Variants in CDKN2B-AS1 observed in about 807,000 individuals in gnomAD.
CDKN2B-AS1 encodes the protein CDKN2B antisense RNA 1 (non-protein coding).
chr9:22,054,124 A>C (rs937291910), intron 3 of CDKN2B-AS1, among the ~76,000 whole-genome samples: 2 of 152,188 alleles, frequency 1.3e-5, no homozygotes, highest in Admixed American at 1.3e-4. Flanking sequence ...TATACACACT[A>C]TCTCATTTAA....
intron 1 of CDKN2B-AS1, chr9:22,004,651 C>T (rs1309751516): frequency 8.6e-6 from 2 of 232,410 alleles, no homozygotes; most frequent in East Asian, 6.1e-5. Context: ...AAATTAAATC[C>T]CAAAGCAGTG....
intron 4 of CDKN2B-AS1, among the ~76,000 whole-genome samples, chr9:22,070,940 G>A (rs929768217): frequency 1.3e-5 from 2 of 152,114 alleles, no homozygotes; most frequent in Non-Finnish European, 2.9e-5. Flanking sequence ...GTAGCTGTCA[G>A]TTATCTTGTG....
At chr9:22,017,175 C>T (rs1472868219) in intron 1 of CDKN2B-AS1, among the ~76,000 whole-genome samples, 1 of 152,072 alleles carries the variant, frequency 6.6e-6, no homozygotes, top group Admixed American at 6.6e-5. Context: ...GCCTGTAATC[C>T]CAGCACTTTG....
intron 1 of CDKN2B-AS1, among the ~76,000 whole-genome samples, chr9:22,027,915 G>A (rs1432334451): frequency 6.6e-6 from 1 of 152,130 alleles, no homozygotes. Context: ...AAAAATAAAA[G>A]AGGCTATGTT....
At chr9:22,097,407 CT>C (rs1825321198) in intron 4 of CDKN2B-AS1, 1 of 152,138 alleles carries the variant, frequency 6.6e-6, no homozygotes, top group African/African-American at 2.4e-5. Context: ...ATAAGAGCAA[CT>C]TGGGCCATAA....
At chr9:22,126,608 C>T (rs745352792) in intron 4 of CDKN2B-AS1, among the ~76,000 whole-genome samples, 111 of 120,154 alleles carry the variant, frequency 9.2e-4, no homozygotes, top group African/African-American at 3.7e-3. Context: ...GACGGAGTCT[C>T]GCTCGCCCAG....
rs1217224628 is a variant in CDKN2B-AS1, at chr9:22,056,230, A to T, written n.303-22A>T. On this transcript the variant is annotated intron_variant and non_coding_transcript_variant, in intron 3 of 4. Coordinates refer to ENST00000650946, the Ensembl canonical transcript of CDKN2B-AS1. ...TGTGTGTGTATATATATATATATATATATATTTTTTTTTTTTTCCAGTAGA... is the reference window on the plus strand; with the variant it reads ...TGTGTGTGTATATATATATATATATTTATATTTTTTTTTTTTTCCAGTAGA... 485 of 90,494 alleles carry T rather than the reference A, an allele frequency of 5.4e-3. 5 individuals carry two copies. The highest frequency in any genetic ancestry group is 0.016 in the African/African-American group (434 of 27,056). 5.6% of individuals were successfully genotyped at this position (90,494 alleles called of 1,614,324 possible). A position where few individuals can be genotyped will look rare whatever the true frequency, so the allele number is the denominator to read the frequency against.
At chr9:22,024,676 C>T (rs1822158089) in intron 1 of CDKN2B-AS1, among the ~76,000 whole-genome samples, 1 of 152,198 alleles carries the variant, frequency 6.6e-6, no homozygotes. Flanking sequence ...GGTCAAGGGG[C>T]ATACTTCCCT....
intron 3 of CDKN2B-AS1, among the ~76,000 whole-genome samples, chr9:22,054,526 T>C (rs1269122017): frequency 6.6e-6 from 1 of 152,032 alleles, no homozygotes; most frequent in Non-Finnish European, 1.5e-5. Flanking sequence ...ATTTAAGAGA[T>C]TTATTCTTAT....
Position 22,005,928 on chromosome 9 carries a change from TG to T in CDKN2B-AS1, n.29+10772del. ...GGCAGCCTTCATCGAATTAGGTGGG[TG>T]GGGGTGGGAAATTGGGTAAGAAAAT... On this transcript the variant is annotated intron_variant and non_coding_transcript_variant, in intron 1 of 4. Coordinates refer to ENST00000650946, the Ensembl canonical transcript of CDKN2B-AS1. This position sits in a 1 kb window ranked among gnomAD's most constrained non-coding sequence, Gnocchi z 4.9. 1 of 1,567,290 alleles carries T rather than the reference TG, an allele frequency of 6.4e-7. No homozygotes were observed. The highest frequency in any genetic ancestry group is 1.7e-5 in the Admixed American group (1 of 57,312).
chr9:22,025,260 G>A (rs1822183821), intron 1 of CDKN2B-AS1, among the ~76,000 whole-genome samples: 1 of 152,198 alleles, frequency 6.6e-6, no homozygotes, highest in Admixed American at 6.5e-5. Flanking sequence ...GTGACGAGCA[G>A]CTGGGGGGTG....
At chr9:22,098,492 T>C (rs937733150) in intron 4 of CDKN2B-AS1, among the ~76,000 whole-genome samples, 1 of 151,104 alleles carries the variant, frequency 6.6e-6, no homozygotes, top group African/African-American at 2.4e-5. Context: ...TAAAATAAAA[T>C]AAAAAATGAA....
intron 4 of CDKN2B-AS1, among the ~76,000 whole-genome samples, chr9:22,099,858 G>A (rs897396881): frequency 1.3e-5 from 2 of 152,150 alleles, no homozygotes; most frequent in African/African-American, 4.8e-5. Flanking sequence ...GATGCATAAA[G>A]CGTCTCTAGA....
chr9:22,065,918 C>G (rs966077528), intron 4 of CDKN2B-AS1, among the ~76,000 whole-genome samples: 1 of 152,162 alleles, frequency 6.6e-6, no homozygotes, highest in African/African-American at 2.4e-5. Flanking sequence ...GCTCTTTGTT[C>G]TGAGCATAAA....
At chr9:22,080,541 C>T (rs1824658007) in intron 4 of CDKN2B-AS1, among the ~76,000 whole-genome samples, 1 of 152,162 alleles carries the variant, frequency 6.6e-6, no homozygotes, top group Non-Finnish European at 1.5e-5. Flanking sequence ...TCTAGTGAAG[C>T]CCATCAGGGA....
At chr9:22,049,534 A>G (rs1450317363) in intron 3 of CDKN2B-AS1, among the ~76,000 whole-genome samples, 1 of 152,116 alleles carries the variant, frequency 6.6e-6, no homozygotes, top group African/African-American at 2.4e-5. Context: ...GCTCTTACAC[A>G]AGGGGCCCCA....
intron 1 of CDKN2B-AS1, among the ~76,000 whole-genome samples, chr9:22,032,380 G>A (rs555035575): frequency 2.1e-4 from 31 of 150,026 alleles, no homozygotes; most frequent in Non-Finnish European, 2.5e-4. Context: ...TACTTTTTCC[G>A]TACTTTAAAT....
At chr9:22,027,421 A>C (rs908057466) in intron 1 of CDKN2B-AS1, among the ~76,000 whole-genome samples, 7 of 152,236 alleles carry the variant, frequency 4.6e-5, no homozygotes, top group Non-Finnish European at 8.8e-5. Flanking sequence ...AAAAGCACTC[A>C]GAAAAAATGC....
intron 4 of CDKN2B-AS1, among the ~76,000 whole-genome samples, chr9:22,104,148 G>A (rs1048929901): frequency 6.6e-6 from 1 of 152,164 alleles, no homozygotes; most frequent in Non-Finnish European, 1.5e-5. Flanking sequence ...ATGCAAACTT[G>A]CTTAACAGGT....
Sources: allele counts gnomAD v4.1 joint callset (sites outside exome capture counted in the v4.1 genomes callset), GRCh38; gene constraint gnomAD v4.1.1; non-coding constraint Gnocchi (gnomAD v3.1); transcripts MANE v1.5; gene names NCBI Gene and HGNC (gene_info 2026-07-23, HGNC 2026-07-21).